Variants in PDE1C observed in about 807,000 individuals in gnomAD.
PDE1C encodes phosphodiesterase 1C.
In PDE1C, 62 loss-of-function variants were observed where a neutral mutation model predicts 93.1. The ratio of observed to expected loss-of-function variants is 0.67; its 90% CI spans 0.54 to 0.82. The LOEUF (loss-of-function observed/expected upper bound fraction) is 0.82. Ranked by LOEUF, PDE1C falls within the 40% of genes least tolerant of loss-of-function variation. The pLI is 0.00. For synonymous variants in PDE1C, 325 were observed against 310.1 expected, an observed-to-expected ratio of 1.05 and a Z score of -0.50; for missense variants, 742 against 884.6, an observed-to-expected ratio of 0.84 and a Z score of 2.04.
Position 32,406,424 on chromosome 7 carries a change from T to C in PDE1C, c.310+21398A>G, listed in dbSNP as rs1486408577. Among the ~76,000 whole-genome samples, 6 of 152,094 alleles carry C rather than the reference T, an allele frequency of 3.9e-5. No individual in the cohort carries two copies. In the East Asian group the frequency reaches 1.2e-3, roughly 29 times the overall value. On this transcript the variant is annotated intron_variant, in intron 1 of 1. Coordinates refer to the PDE1C transcript ENST00000672256. Reference sequence around the variant, plus strand: ...TTTCCCAGATGCCACTGATGACTTCTATTTCTAGTATACGAGGGAGGAAAA... The same window carrying C: ...TTTCCCAGATGCCACTGATGACTTCCATTTCTAGTATACGAGGGAGGAAAA...
chr7:31,938,498 T>C (rs2128994355), intron 2 of PDE1C, among the ~76,000 whole-genome samples: 1 of 152,242 alleles, frequency 6.6e-6, no homozygotes, highest in South Asian at 2.1e-4. Flanking sequence ...AGAAAGTTCT[T>C]TTTACCTGAT....
chr7:32,285,362 A>T (rs1811931245), intron 1 of PDE1C, among the ~76,000 whole-genome samples: 2 of 152,256 alleles, frequency 1.3e-5, no homozygotes, highest in African/African-American at 4.8e-5. Context: ...AACCTACCCA[A>T]GAGACTTAAA....
intron 14 of PDE1C, 68 bp from the exon 15 acceptor site, chr7:31,816,222 C>A (rs1362119823): frequency 3.5e-6 from 5 of 1,417,082 alleles, no homozygotes; most frequent in South Asian, 1.2e-5. Flanking sequence ...AGGAGAATGG[C>A]CTGTTTTAGT....
At chr7:31,638,300 A>G in the PDE1C span, among the ~76,000 whole-genome samples, 66 of 152,222 alleles carry the variant, frequency 4.3e-4, no homozygotes, top group African/African-American at 1.5e-3. Flanking sequence ...TAAATTTCTT[A>G]TAATAAATAT....
At chr7:32,305,177 C>T (rs1812969112) in intron 1 of PDE1C, among the ~76,000 whole-genome samples, 2 of 152,192 alleles carry the variant, frequency 1.3e-5, no homozygotes, top group Admixed American at 1.3e-4. Context: ...CATCACCCTC[C>T]CCATTCCATG....
At chr7:31,801,500 A>T (rs1395187649) in intron 16 of PDE1C, among the ~76,000 whole-genome samples, 1 of 151,430 alleles carries the variant, frequency 6.6e-6, no homozygotes, top group Non-Finnish European at 1.5e-5. Flanking sequence ...GTATTCTAGG[A>T]ATGCCAATTA....
At chr7:32,024,885 C>T (rs961602029) in intron 2 of PDE1C, among the ~76,000 whole-genome samples, 3 of 152,158 alleles carry the variant, frequency 2.0e-5, no homozygotes, top group Non-Finnish European at 4.4e-5. Context: ...AACCCCACTA[C>T]CTTTCCTCAT....
At chr7:31,954,473 G>A (rs951869646) in intron 2 of PDE1C, among the ~76,000 whole-genome samples, 3 of 152,140 alleles carry the variant, frequency 2.0e-5, no homozygotes, top group African/African-American at 4.8e-5. Flanking sequence ...AACCCAATTT[G>A]CTTTCATGGT....
intron 1 of PDE1C, among the ~76,000 whole-genome samples, chr7:32,422,101 C>T (rs1785442975): frequency 6.6e-6 from 1 of 152,150 alleles, no homozygotes; most frequent in Non-Finnish European, 1.5e-5. Flanking sequence ...ATGCCACACC[C>T]ACAGGGGCCC....
chr7:32,152,272 G>A (rs947512113), intron 3 of PDE1C, among the ~76,000 whole-genome samples: 12 of 152,184 alleles, frequency 7.9e-5, no homozygotes, highest in African/African-American at 1.2e-4. Context: ...GTCCTTGGGC[G>A]TGGCATATAA....
intron 3 of PDE1C, among the ~76,000 whole-genome samples, chr7:32,086,537 G>A (rs1315707039): frequency 1.1e-4 from 17 of 151,818 alleles, no homozygotes; most frequent in African/African-American, 2.4e-5. Flanking sequence ...AAAAGAGCCT[G>A]CATCGCCAAG....
chr7:32,091,020 C>G (rs1281018770), intron 3 of PDE1C, among the ~76,000 whole-genome samples: 1 of 152,206 alleles, frequency 6.6e-6, no homozygotes, highest in African/African-American at 2.4e-5. Context: ...TTGTTTTCTA[C>G]CAGGCATGTT....
At chr7:32,095,509 G>A (rs1180822828) in intron 3 of PDE1C, among the ~76,000 whole-genome samples, 2 of 152,178 alleles carry the variant, frequency 1.3e-5, no homozygotes, top group Admixed American at 6.5e-5. Flanking sequence ...CAGCTGCAGA[G>A]GTATATGGGT....
chr7:32,267,203 G>A (rs1285986687), intron 1 of PDE1C, among the ~76,000 whole-genome samples: 2 of 152,326 alleles, frequency 1.3e-5, no homozygotes, highest in Admixed American at 1.3e-4. Flanking sequence ...CAAGGAGACC[G>A]GGTCAGAAAG....
At chr7:32,236,163 T>C (rs566899764) in intron 1 of PDE1C, among the ~76,000 whole-genome samples, 1 of 152,112 alleles carries the variant, frequency 6.6e-6, no homozygotes, top group Non-Finnish European at 1.5e-5. Context: ...TAGATCTAAA[T>C]ATAAGATATA....
intron 1 of PDE1C, among the ~76,000 whole-genome samples, chr7:32,231,675 A>T (rs905535558): frequency 6.6e-6 from 1 of 152,206 alleles, no homozygotes; most frequent in Non-Finnish European, 1.5e-5. Context: ...AAAGGACAAC[A>T]CATGAAAGAA....
At chr7:32,262,005 ATTTT>A (rs11325736) in intron 1 of PDE1C, among the ~76,000 whole-genome samples, 4,375 of 89,710 alleles carry the variant, frequency 0.049, 301 homozygotes, top group African/African-American at 0.17. Context: ...TTGCTTTGGG[ATTTT>A]TTTTTTTTTT....
Position 32,225,342 on chromosome 7 carries a change from G to GCA in PDE1C, c.86-15805_86-15804dup, listed in dbSNP as rs34169470. On this transcript the variant is annotated intron_variant, in intron 1 of 18. Coordinates refer to the PDE1C transcript ENST00000396193. ...ATTTTTATTCCAAAGCATTCAACATGCACACACACACACACAAACTCACAA... is the reference window on the plus strand; with the variant it reads ...ATTTTTATTCCAAAGCATTCAACATGCACACACACACACACACAAACTCACAA... Among the ~76,000 whole-genome samples, 365 of 150,898 alleles carry GCA rather than the reference G, an allele frequency of 2.4e-3. 1 individual carries two copies. Among genetic ancestry groups the GCA allele is most frequent in the African/African-American group, 8.3e-3 (342 of 41,108 alleles).
intron 1 of PDE1C, among the ~76,000 whole-genome samples, chr7:32,356,892 C>G (rs1366353808): frequency 6.6e-6 from 1 of 151,992 alleles, no homozygotes; most frequent in East Asian, 1.9e-4. Flanking sequence ...GTTTGAAAAG[C>G]GAGAGTACAG....
Sources: allele counts gnomAD v4.1 joint callset (sites outside exome capture counted in the v4.1 genomes callset), GRCh38; gene constraint gnomAD v4.1.1; transcripts MANE v1.5; gene names NCBI Gene and HGNC (gene_info 2026-07-23, HGNC 2026-07-21).